Variants in TMEM272 observed in about 807,000 individuals in gnomAD.
TMEM272 encodes the protein long intergenic non-protein coding RNA 282.
TMEM272 carries 8 observed loss-of-function variants against 3.7 expected under a neutral mutation model. The ratio of observed to expected loss-of-function variants is 2.17; its 90% CI spans 1.27 to 3.91. TMEM272 has a LOEUF of 3.91. Among genes scored for constraint, TMEM272 ranks in the 30% most tolerant of loss-of-function variants. The probability of loss-of-function intolerance (pLI) is 0.00; values close to 1 mark genes in which losing one functional copy is unlikely to be tolerated. For synonymous variants in TMEM272, 63 were observed against 39.8 expected, an observed-to-expected ratio of 1.58 and a Z score of -2.20; for missense variants, 166 against 91.5, an observed-to-expected ratio of 1.81 and a Z score of -3.32.
chr13:51,905,652 TC>T, the TMEM272 span, among the ~76,000 whole-genome samples: 3 of 152,160 alleles, frequency 2.0e-5, no homozygotes, highest in African/African-American at 2.4e-5. Flanking sequence ...CTGCCACAGG[TC>T]CCTGTAAAAA....
In TMEM272 at chr13:51,814,828, A is replaced by G. The variant is rs1956002424; in HGVS notation, c.*1923T>C. 6.6e-6 allele frequency: 1 copy of G among 152,332 alleles called. No individual in the cohort carries two copies. The highest frequency in any genetic ancestry group is 1.5e-5 in the Non-Finnish European group (1 of 68,054). The allele number at this position is 152,332 out of a possible 1,614,324, so 9.4% of individuals were successfully genotyped here. A position where few individuals can be genotyped will look rare whatever the true frequency, so the allele number is the denominator to read the frequency against. On this transcript the variant is annotated 3_prime_UTR_variant, in exon 5 of 5. Transcript: ENST00000629372. Reference sequence around the variant, plus strand: ...ACGTTTGAGACCTAGCTACTGATGTATCCAAAGCACTAACCAGTACCTGCC... The same window carrying G: ...ACGTTTGAGACCTAGCTACTGATGTGTCCAAAGCACTAACCAGTACCTGCC...
At chr13:51,909,987 G>C in the TMEM272 span, 1 of 1,567,730 alleles carries the variant, frequency 6.4e-7, no homozygotes, top group African/African-American at 1.4e-5. Flanking sequence ...ATTTTCACTC[G>C]AAGCATCTTG....
chr13:51,896,999 A>G, the TMEM272 span, among the ~76,000 whole-genome samples: 5 of 152,214 alleles, frequency 3.3e-5, no homozygotes, highest in African/African-American at 1.2e-4. Context: ...AAGACTCCTG[A>G]GTCAGAAACA....
At chr13:51,873,869 T>C in the TMEM272 span, among the ~76,000 whole-genome samples, 17 of 152,204 alleles carry the variant, frequency 1.1e-4, no homozygotes, top group African/African-American at 4.1e-4. Flanking sequence ...ATGCAGGGAA[T>C]ACTCAAAGGC....
intron 2 of TMEM272, among the ~76,000 whole-genome samples, chr13:51,834,307 G>A (rs1407450234): frequency 6.6e-6 from 1 of 152,084 alleles, no homozygotes; most frequent in Non-Finnish European, 1.5e-5. Context: ...GTGTGTAGAG[G>A]AAATAATGGC....
chr13:51,850,441 G>T, the TMEM272 span, among the ~76,000 whole-genome samples: 1 of 152,270 alleles, frequency 6.6e-6, no homozygotes, highest in South Asian at 2.1e-4. Context: ...AGTCAGAATG[G>T]AGACACCAGT....
chr13:51,855,819 T>C, the TMEM272 span, among the ~76,000 whole-genome samples: 1 of 152,178 alleles, frequency 6.6e-6, no homozygotes, highest in Non-Finnish European at 1.5e-5. Flanking sequence ...ATTGGAATTC[T>C]GTTAAGTGAA....
At chr13:51,914,327 C>T in the TMEM272 span, among the ~76,000 whole-genome samples, 17 of 152,208 alleles carry the variant, frequency 1.1e-4, no homozygotes, top group Non-Finnish European at 2.1e-4. Context: ...GGGAAATTGA[C>T]GCTTAGCAGG....
At chr13:51,851,060 A>G in the TMEM272 span, among the ~76,000 whole-genome samples, 1 of 152,080 alleles carries the variant, frequency 6.6e-6, no homozygotes, top group African/African-American at 2.4e-5. Flanking sequence ...CAATTTTAAG[A>G]TTTGTTTAAA....
chr13:51,862,330 T>C, the TMEM272 span: 1 of 152,254 alleles, frequency 6.6e-6, no homozygotes, highest in Non-Finnish European at 1.5e-5. Flanking sequence ...ACAGTATAAC[T>C]GAAAACTGGG....
In TMEM272 at chr13:51,826,598, A is replaced by G. The variant is rs750363439; in HGVS notation, c.86T>C (p.Phe29Ser). 2 of 702,614 alleles carry G rather than the reference A, an allele frequency of 2.8e-6. No homozygotes were observed. The highest frequency in any genetic ancestry group is 3.0e-5 in the South Asian group (2 of 67,602). The allele number at this position is 702,614 out of a possible 1,614,324, so 43.5% of individuals were successfully genotyped here. A position where few individuals can be genotyped will look rare whatever the true frequency, so the allele number is the denominator to read the frequency against. Residue 29 changes from phenylalanine (F) to serine (S), a missense_variant, in exon 3 of 5, where the codon TTC becomes TCC. Physicochemically the swap from Phe to Ser is radical, Grantham distance 155. Coordinates refer to ENST00000629372, the MANE Select transcript of TMEM272 (RefSeq NM_001351003.2). ...NACFVVVLCA[F>S]LALPLSMTFI... The stretch of plus-strand genomic sequence containing the variant: ...GGTCATGGACAGCGGCAGAGCCAGG[A>G]AAGCACAGAGCACAACAACGAAGCA...
In TMEM272 at chr13:51,822,049, C is replaced by T. The variant is rs1358942040; in HGVS notation, c.201+6G>A. Reference sequence around the variant, plus strand: ...GGACTACAAACAGCAGATAAAGATACTTTACCTTTAAGGTACCGACGATGC... The same window carrying T: ...GGACTACAAACAGCAGATAAAGATATTTTACCTTTAAGGTACCGACGATGC... On this transcript the variant is annotated splice_donor_region_variant and intron_variant, in intron 4 of 4. Transcript: ENST00000629372. 4 of 702,496 alleles carry T rather than the reference C, an allele frequency of 5.7e-6. No homozygotes were observed. Among genetic ancestry groups the T allele is most frequent in the South Asian group, 3.0e-5 (2 of 67,604 alleles). 43.5% of individuals were successfully genotyped at this position (702,496 alleles called of 1,614,324 possible). A position where few individuals can be genotyped will look rare whatever the true frequency, so the allele number is the denominator to read the frequency against.
chr13:51,864,105 TTCCC>T, the TMEM272 span, among the ~76,000 whole-genome samples: 1 of 146,628 alleles, frequency 6.8e-6, no homozygotes, highest in African/African-American at 2.5e-5. Context: ...CCTTCCTTCC[TTCCC>T]TCCCTCTCTT....
chr13:51,879,016 G>C, the TMEM272 span, among the ~76,000 whole-genome samples: 1 of 152,138 alleles, frequency 6.6e-6, no homozygotes, highest in African/African-American at 2.4e-5. Context: ...CTGTGCACGA[G>C]AAAAGCCACA....
chr13:51,830,924 G>C (rs537081520), intron 2 of TMEM272, among the ~76,000 whole-genome samples: 49 of 151,026 alleles, frequency 3.2e-4, no homozygotes, highest in African/African-American at 1.1e-3. Flanking sequence ...ACTCTTGCTC[G>C]AGGTCTAATG....
At chr13:51,893,277 CTG>C in the TMEM272 span, among the ~76,000 whole-genome samples, 2 of 152,200 alleles carry the variant, frequency 1.3e-5, no homozygotes, top group Non-Finnish European at 2.9e-5. Context: ...TAAATTATAT[CTG>C]TGTTTTAGCC....
the TMEM272 span, among the ~76,000 whole-genome samples, chr13:51,883,828 T>C: frequency 9.6e-4 from 147 of 152,344 alleles, no homozygotes; most frequent in African/African-American, 3.5e-3. Flanking sequence ...CTGGCTTGTG[T>C]TTGCCAAGTG....
At chr13:51,825,976 G>A (rs1238183658) in intron 3 of TMEM272, among the ~76,000 whole-genome samples, 1 of 151,974 alleles carries the variant, frequency 6.6e-6, no homozygotes. Flanking sequence ...GCAATGTTCA[G>A]GAGCATGAGA....
chr13:51,881,430 T>C, the TMEM272 span, among the ~76,000 whole-genome samples: 11 of 148,154 alleles, frequency 7.4e-5, no homozygotes, highest in African/African-American at 2.7e-4. Flanking sequence ...ATGGAAGAAT[T>C]TGAAATCAAC....
Sources: allele counts gnomAD v4.1 joint callset (sites outside exome capture counted in the v4.1 genomes callset), GRCh38; gene constraint gnomAD v4.1.1; transcripts MANE v1.5; gene names NCBI Gene and HGNC (gene_info 2026-07-23, HGNC 2026-07-21).